VSTM2B: variants seen among roughly 807,000 people sequenced by gnomAD.
VSTM2B encodes the protein V-set and transmembrane domain containing 2B, also known as V-set and transmembrane domain-containing protein 2B.
VSTM2B carries 24 observed loss-of-function variants against 24.0 expected under a neutral mutation model. The ratio of observed to expected loss-of-function variants is 1.00; its 90% CI spans 0.72 to 1.40. VSTM2B has a LOEUF of 1.40. VSTM2B is among the 40% of genes most tolerant of loss of function. The pLI is 0.00. For synonymous variants in VSTM2B, 226 were observed against 194.4 expected (o/e 1.16, Z -1.35); for missense variants, 399 against 416.4 (o/e 0.96, Z 0.36).
At chr19:29,532,851 G>T (rs1969792064) in intron 4 of VSTM2B, among the ~76,000 whole-genome samples, 1 of 152,258 alleles carries the variant, frequency 6.6e-6, no homozygotes, top group Non-Finnish European at 1.5e-5. Context: ...CCAGCAGTTG[G>T]TTAAAGACCG....
chr19:29,546,827 A>G (rs1970168876), intron 4 of VSTM2B, among the ~76,000 whole-genome samples: 1 of 152,260 alleles, frequency 6.6e-6, no homozygotes, highest in Admixed American at 6.5e-5. Context: ...AAAGAGATGG[A>G]AAACTGGAGA....
At chr19:29,538,762 C>T (rs908415725) in intron 4 of VSTM2B, among the ~76,000 whole-genome samples, 1 of 152,034 alleles carries the variant, frequency 6.6e-6, no homozygotes. Context: ...GTGCCAGGCT[C>T]TTTAAACAAC....
At chr19:29,531,311 A>T (rs1327819180) in intron 4 of VSTM2B, among the ~76,000 whole-genome samples, 3 of 152,214 alleles carry the variant, frequency 2.0e-5, no homozygotes. Flanking sequence ...TCTCCTGGCC[A>T]CATGGCCCTG....
At chr19:29,546,730 A>G (rs556230773) in intron 4 of VSTM2B, among the ~76,000 whole-genome samples, 1 of 149,750 alleles carries the variant, frequency 6.7e-6, no homozygotes, top group African/African-American at 2.5e-5. Context: ...CTCTGACAGC[A>G]GCTGCCTGAC....
Position 29,530,096 on chromosome 19 carries a change from C to T in VSTM2B, c.575C>T (p.Thr192Ile). ...ANNAGAASRT[T>I]SEPGRGDKSP... is the part of the protein sequence containing the mutation. ...AACGCGGGCGCCGCGAGCCGTACCA[C>T]CTCCGAGCCCGGCCGCGGCGACAAG... Residue 192 changes from threonine to isoleucine, a missense_variant, in exon 4 of 5, where the codon ACC (threonine) becomes ATC (isoleucine). By Grantham distance (89) the Thr-to-Ile change is moderately conservative. Coordinates refer to ENST00000335523, the MANE Select transcript of VSTM2B (RefSeq NM_001146339.2). The T allele has an allele frequency of 2.1e-6, 3 of 1,455,150 alleles. No individual in the cohort carries two copies. Among genetic ancestry groups the T allele is most frequent in the Non-Finnish European group, 1.8e-6 (2 of 1,113,352 alleles). 90.1% of individuals were successfully genotyped at this position (1,455,150 alleles called of 1,614,324 possible).
At chr19:29,539,825 A>C (rs1482647331) in intron 4 of VSTM2B, among the ~76,000 whole-genome samples, 1 of 152,164 alleles carries the variant, frequency 6.6e-6, no homozygotes, top group Non-Finnish European at 1.5e-5. Flanking sequence ...CCAGGCCAGG[A>C]AGCCAGGGCC....
chr19:29,529,081 T>G lies in VSTM2B; in HGVS notation c.297+619T>G, dbSNP rs1969660645. The stretch of plus-strand genomic sequence containing the variant: ...GCCTGGAGATGACGAAGCCTCCTCG[T>G]GGGCTCGGTTCAGAGGTGAGGGCTC... On this transcript the variant is annotated intron_variant, in intron 3 of 4. Coordinates refer to ENST00000335523, the MANE Select transcript of VSTM2B (RefSeq NM_001146339.2). The G allele has an allele frequency of 1.4e-5, 14 of 985,292 alleles. No homozygotes were observed. In the South Asian group the frequency reaches 5.6e-4, roughly 40 times the overall value. The allele number at this position is 985,292 out of a possible 1,614,324, so 61.0% of individuals were successfully genotyped here.
intron 4 of VSTM2B, among the ~76,000 whole-genome samples, chr19:29,560,288 A>G (rs758684182): frequency 1.3e-5 from 2 of 152,180 alleles, no homozygotes; most frequent in Non-Finnish European, 2.9e-5. Flanking sequence ...ATCAACCACT[A>G]TAATATTGCT....
intron 4 of VSTM2B, among the ~76,000 whole-genome samples, chr19:29,559,275 T>C (rs1384988003): frequency 1.3e-5 from 2 of 152,220 alleles, no homozygotes; most frequent in Non-Finnish European, 1.5e-5. Context: ...TGGAATACTA[T>C]GCAGGCATAA....
intron 4 of VSTM2B, among the ~76,000 whole-genome samples, chr19:29,531,285 T>G (rs1969752549): frequency 6.6e-6 from 1 of 152,198 alleles, no homozygotes; most frequent in East Asian, 1.9e-4. Flanking sequence ...TGATGCAGAG[T>G]CCCACAGGGA....
chr19:29,528,041 T>C (rs1969631760), intron 2 of VSTM2B, among the ~76,000 whole-genome samples: 1 of 152,218 alleles, frequency 6.6e-6, no homozygotes. Context: ...CGCTGGGTGC[T>C]GTCCAGACAC....
At chr19:29,539,946 C>T (rs1195785378) in intron 4 of VSTM2B, among the ~76,000 whole-genome samples, 1 of 152,242 alleles carries the variant, frequency 6.6e-6, no homozygotes, top group East Asian at 1.9e-4. Flanking sequence ...TCGTATAGCT[C>T]TAGAGACAGA....
chr19:29,560,767 C>T (rs1970505791), intron 4 of VSTM2B, among the ~76,000 whole-genome samples: 1 of 152,148 alleles, frequency 6.6e-6, no homozygotes, highest in African/African-American at 2.4e-5. Context: ...GTGATAGTGC[C>T]AATGACTAGT....
At chr19:29,530,865 T>C (rs1403177101) in intron 4 of VSTM2B, among the ~76,000 whole-genome samples, 2 of 152,098 alleles carry the variant, frequency 1.3e-5, no homozygotes, top group African/African-American at 4.8e-5. Flanking sequence ...CACTCTGCTG[T>C]AAATCGCAGA....
chr19:29,526,528 G>A lies in VSTM2B; in HGVS notation c.-56G>A, dbSNP rs530889741. 6.4e-6 allele frequency: 9 copies of A among 1,405,796 alleles called. 1 individual carries two copies. The highest frequency in any genetic ancestry group is 8.5e-6 in the Non-Finnish European group (9 of 1,059,924). 87.1% of individuals were successfully genotyped at this position (1,405,796 alleles called of 1,614,324 possible). A position where few individuals can be genotyped will look rare whatever the true frequency, so the allele number is the denominator to read the frequency against. ...CGAGCCGGAGCCGATCCGAGCCCAC[G>A]CGGCCGCCGCCTCTCCGCTCCCGGG... On this transcript the variant is annotated 5_prime_UTR_variant, in exon 1 of 5. Transcript: ENST00000335523. This position sits in a 1 kb window ranked among gnomAD's most constrained non-coding sequence, Gnocchi z 4.1.
At chr19:29,552,246 AC>A (rs1970301249) in intron 4 of VSTM2B, among the ~76,000 whole-genome samples, 2 of 152,284 alleles carry the variant, frequency 1.3e-5, no homozygotes, top group East Asian at 1.9e-4. Flanking sequence ...CATTTGGGAA[AC>A]CTAGATTGTT....
intron 4 of VSTM2B, among the ~76,000 whole-genome samples, chr19:29,540,357 G>T (rs1969994306): frequency 1.3e-5 from 2 of 152,248 alleles, no homozygotes; most frequent in Non-Finnish European, 2.9e-5. Flanking sequence ...GCTCAGAAAT[G>T]GTGGGCTACC....
At position 29,530,043 on chromosome 19, in the gene VSTM2B, C is replaced by T. The variant is rs1385527067; in HGVS notation, c.522C>T (p.His174=). 3.3e-6 allele frequency: 5 copies of T among 1,524,704 alleles called. No homozygotes were observed. Among genetic ancestry groups the T allele is most frequent in the Admixed American group, 2.0e-5 (1 of 49,980 alleles). 94.4% of individuals were successfully genotyped at this position (1,524,704 alleles called of 1,614,324 possible). The part of the protein sequence containing the change: ...SHIQSSGPRR[H]GPASAANANN... ...TCCAGAGCAGCGGCCCGCGTCGCCA[C>T]GGCCCAGCCAGCGCCGCCAACGCCA... The change falls in exon 4 of 5, where the codon CAC becomes CAT. Residue 174 remains histidine, a synonymous_variant. Coordinates refer to ENST00000335523, the MANE Select transcript of VSTM2B (RefSeq NM_001146339.2).
At chr19:29,525,830 T>C (rs1969544377), upstream of VSTM2B, 1 of 132,260 alleles carries the variant, frequency 7.6e-6, no homozygotes, top group Non-Finnish European at 1.6e-5. Context: ...AGAAAGACGG[T>C]GGTCCCTCCG....
Sources: gnomAD v4.1 joint callset for allele counts (sites outside exome capture counted in the v4.1 genomes callset) on GRCh38, gnomAD v4.1.1 for gene constraint, Gnocchi (gnomAD v3.1) non-coding constraint, MANE v1.5 for transcripts, NCBI Gene and HGNC (gene_info 2026-07-23, HGNC 2026-07-21) for gene names.